Variants in SKAP1 observed in about 807,000 individuals in gnomAD.
The protein encoded by SKAP1 is src kinase associated phosphoprotein 1.
SKAP1 carries 44 observed loss-of-function variants against 58.5 expected under a neutral mutation model. The observed-to-expected ratio is 0.75, with a 90% CI of 0.59 to 0.97. The LOEUF is 0.97. Among genes scored for constraint, SKAP1 ranks in the 50% least tolerant of loss-of-function variants. The pLI, the probability that SKAP1 is intolerant of heterozygous loss-of-function variation, is 0.00. For synonymous variants in SKAP1, 127 were observed against 149.7 expected, an observed-to-expected ratio of 0.85 and a Z score of 1.11; for missense variants, 390 against 435.2, an observed-to-expected ratio of 0.90 and a Z score of 0.92.
chr17:48,332,312 T>G (rs949077298), intron 4 of SKAP1, among the ~76,000 whole-genome samples: 9 of 152,150 alleles, frequency 5.9e-5, no homozygotes, highest in African/African-American at 2.2e-4. Context: ...TTATAATTTC[T>G]TTTTACATGC....
At position 48,362,622 on chromosome 17, in the gene SKAP1, C is replaced by T. The variant is rs181614886; in HGVS notation, c.178+1167G>A. Among the ~76,000 whole-genome samples the T allele has an allele frequency of 4.1e-3, 617 of 152,292 alleles. 3 individuals carry two copies. The highest frequency in any genetic ancestry group is 7.0e-3 in the Admixed American group (107 of 15,304). On this transcript the variant is annotated intron_variant, in intron 3 of 12. Transcript: ENST00000336915. Reference sequence around the variant, plus strand: ...TATGTAGTAACAGCACATCACATTACGTAAAATAGTGTAAGTGCTCCAACT... The same window carrying T: ...TATGTAGTAACAGCACATCACATTATGTAAAATAGTGTAAGTGCTCCAACT...
chr17:48,241,645 A>T (rs1598461213), intron 4 of SKAP1, among the ~76,000 whole-genome samples: 1 of 152,200 alleles, frequency 6.6e-6, no homozygotes, highest in East Asian at 1.9e-4. Context: ...GCAAAACAAA[A>T]CAGATCTAAA....
chr17:48,406,071 C>T (rs1227633334), intron 1 of SKAP1, among the ~76,000 whole-genome samples: 1 of 151,904 alleles, frequency 6.6e-6, no homozygotes, highest in Non-Finnish European at 1.5e-5. Flanking sequence ...TCGAGACCAT[C>T]CTTGCCAACA....
At chr17:48,168,852 T>C (rs1348834622) in intron 10 of SKAP1, among the ~76,000 whole-genome samples, 1 of 152,214 alleles carries the variant, frequency 6.6e-6, no homozygotes, top group African/African-American at 2.4e-5. Flanking sequence ...GACATTTGGA[T>C]TTATGTATTT....
chr17:48,387,360 C>T (rs963808192), intron 2 of SKAP1, among the ~76,000 whole-genome samples: 1 of 152,182 alleles, frequency 6.6e-6, no homozygotes, highest in Non-Finnish European at 1.5e-5. Context: ...CTTCCCTCCA[C>T]CGTGCCTGTA....
At chr17:48,173,273 T>G (rs1181482986) in intron 9 of SKAP1, among the ~76,000 whole-genome samples, 7 of 152,084 alleles carry the variant, frequency 4.6e-5, no homozygotes, top group African/African-American at 1.7e-4. Flanking sequence ...GCACTTTGAC[T>G]CAACAGTTCT....
At chr17:48,411,378 G>A (rs1198266703) in intron 1 of SKAP1, among the ~76,000 whole-genome samples, 2 of 149,352 alleles carry the variant, frequency 1.3e-5, no homozygotes, top group Non-Finnish European at 3.0e-5. Flanking sequence ...CAGCCTGGGT[G>A]GTAGAGCCAG....
chr17:48,298,734 G>A (rs1007982701), intron 4 of SKAP1, among the ~76,000 whole-genome samples: 1 of 152,068 alleles, frequency 6.6e-6, no homozygotes, highest in Non-Finnish European at 1.5e-5. Context: ...AATCACTATG[G>A]GATGAGATAT....
Position 48,211,010 on chromosome 17 carries a change from A to G in SKAP1, c.281-21510T>C, listed in dbSNP as rs953897247. 3.3e-4 allele frequency among the ~76,000 whole-genome samples: 50 copies of G among 152,262 alleles called. 1 individual carries two copies. Among genetic ancestry groups the G allele is most frequent in the Middle Eastern group, 6.8e-3 (2 of 294 alleles). ...TAATTTGTCCCTCATGTATAAAAAG[A>G]CTGGGGGGAGGCACCCCAGGAATGG... is the stretch of plus-strand genomic sequence containing the variant. On this transcript the variant is annotated intron_variant, in intron 4 of 12. Transcript: ENST00000336915.
chr17:48,134,664 T>A (rs754890774), intron 12 of SKAP1, among the ~76,000 whole-genome samples: 1 of 152,192 alleles, frequency 6.6e-6, no homozygotes, highest in Non-Finnish European at 1.5e-5. Flanking sequence ...AATGAAGAGA[T>A]AAACAAATAA....
Position 48,133,667 on chromosome 17 carries a change from A to T in SKAP1, c.*157T>A, listed in dbSNP as rs1430601850. ...GCCTCTTCCCACTTGTCTTACTGGTAGCTTACAGTCACTCTGAGGTGTCAA... is the reference window on the plus strand; with the variant it reads ...GCCTCTTCCCACTTGTCTTACTGGTTGCTTACAGTCACTCTGAGGTGTCAA... On this transcript the variant is annotated 3_prime_UTR_variant, in exon 13 of 13. Transcript: ENST00000336915. The T allele has an allele frequency of 6.6e-6, 1 of 152,478 alleles. No homozygotes were observed. Among genetic ancestry groups the T allele is most frequent in the Non-Finnish European group, 1.5e-5 (1 of 68,056 alleles). 9.4% of individuals were successfully genotyped at this position (152,478 alleles called of 1,614,324 possible). A position where few individuals can be genotyped will look rare whatever the true frequency, so the allele number is the denominator to read the frequency against.
chr17:48,150,248 GC>G (rs912335418), intron 11 of SKAP1, among the ~76,000 whole-genome samples: 1 of 152,254 alleles, frequency 6.6e-6, no homozygotes, highest in South Asian at 2.1e-4. Flanking sequence ...AAAGGTGATT[GC>G]AATTATTGTT....
intron 3 of SKAP1, among the ~76,000 whole-genome samples, chr17:48,353,297 C>T (rs945067580): frequency 1.3e-5 from 2 of 152,142 alleles, no homozygotes; most frequent in African/African-American, 4.8e-5. Flanking sequence ...TAGCATTGAC[C>T]TGGCTTGGTT....
intron 1 of SKAP1, among the ~76,000 whole-genome samples, chr17:48,416,377 TGGA>T (rs1357319745): frequency 2.6e-5 from 4 of 152,162 alleles, no homozygotes; most frequent in Non-Finnish European, 5.9e-5. Context: ...GTTGGGTTTG[TGGA>T]GGAGAAGAGG....
intron 11 of SKAP1, among the ~76,000 whole-genome samples, chr17:48,157,536 CTT>C (rs35277314): frequency 7.3e-6 from 1 of 137,406 alleles, no homozygotes. Context: ...TGCCCGGCCT[CTT>C]TTTTTTTTTG....
At chr17:48,267,286 A>G (rs2065564136) in intron 4 of SKAP1, among the ~76,000 whole-genome samples, 1 of 152,232 alleles carries the variant, frequency 6.6e-6, no homozygotes, top group Non-Finnish European at 1.5e-5. Flanking sequence ...ATACTTCTCA[A>G]CATACATGAT....
At position 48,180,116 on chromosome 17, in the gene SKAP1, C is replaced by T. The variant is rs774723073; in HGVS notation, c.764G>A (p.Ser255Asn). The change falls in exon 9 of 13, where the codon AGT becomes AAT. Residue 255 changes from serine (S) to asparagine (N), a missense_variant. Physicochemically the swap from Ser to Asn is conservative, Grantham distance 46. Transcript: ENST00000336915. ...CTCTGTAGGCTCTTTTATCCCCACA[C>T]TCCCAGGCAAGATAGTGGGTCTGCA... ...SQCRPTILPG[S>N]VGIKEPTEEK... The T allele has an allele frequency of 3.7e-6, 6 of 1,613,852 alleles. No individual in the cohort carries two copies. The highest frequency in any genetic ancestry group is 5.1e-6 in the Non-Finnish European group (6 of 1,179,900).
the SKAP1 span, among the ~76,000 whole-genome samples, chr17:48,442,603 G>C: frequency 6.6e-6 from 1 of 152,104 alleles, no homozygotes; most frequent in African/African-American, 2.4e-5. Flanking sequence ...AACTTCTCTA[G>C]GTAAGTAAAT....
chr17:48,296,543 T>C (rs2065975784), intron 4 of SKAP1, among the ~76,000 whole-genome samples: 1 of 152,216 alleles, frequency 6.6e-6, no homozygotes, highest in Admixed American at 6.5e-5. Flanking sequence ...GCTGCCAGAA[T>C]ACATGTATCT....
Sources: allele counts gnomAD v4.1 joint callset (sites outside exome capture counted in the v4.1 genomes callset), GRCh38; gene constraint gnomAD v4.1.1; transcripts MANE v1.5; gene names NCBI Gene and HGNC (gene_info 2026-07-23, HGNC 2026-07-21).